CALN1: variants seen among roughly 807,000 people sequenced by gnomAD.
CALN1 encodes calcium-binding protein 8.
In CALN1, 17 loss-of-function variants were observed where a neutral mutation model predicts 30.6. That is an observed-to-expected ratio of 0.56 (90% CI 0.38 to 0.83). The LOEUF (loss-of-function observed/expected upper bound fraction) is 0.83, where lower values mean the gene tolerates loss of function less well. Ranked by LOEUF, CALN1 falls within the 40% of genes least tolerant of loss-of-function variation. The pLI, the probability that CALN1 is intolerant of heterozygous loss-of-function variation, is 0.00. For missense variants in CALN1, 291 were observed against 354.9 expected, an observed-to-expected ratio of 0.82 and a Z score of 1.45; for synonymous variants, 156 against 131.4, an observed-to-expected ratio of 1.19 and a Z score of -1.28.
At chr7:72,336,673 G>GTTAA in intron 2 of CALN1, 1 of 984,808 alleles carries the variant, frequency 1.0e-6, no homozygotes, top group Non-Finnish European at 1.2e-6. Flanking sequence ...CGCGCGCGCG[G>GTTAA]GTAAGCTAGG....
At chr7:71,812,063 G>C (rs1787991900) in intron 5 of CALN1, among the ~76,000 whole-genome samples, 1 of 152,168 alleles carries the variant, frequency 6.6e-6, no homozygotes, top group African/African-American at 2.4e-5. Flanking sequence ...ATCATTGTGT[G>C]GTTCTAACAT....
chr7:72,202,440 T>C (rs1791507312), intron 3 of CALN1, among the ~76,000 whole-genome samples: 1 of 152,150 alleles, frequency 6.6e-6, no homozygotes, highest in Non-Finnish European at 1.5e-5. Flanking sequence ...AAAAATCATG[T>C]TCTATAAAAA....
At position 71,979,737 on chromosome 7, in the gene CALN1, T is replaced by C. The variant is rs539646871; in HGVS notation, c.501+43920A>G. On this transcript the variant is annotated intron_variant, in intron 5 of 6. Coordinates refer to ENST00000395275, the MANE Select transcript of CALN1 (RefSeq NM_031468.4). ...CAACTAAAAATAATGATACTCTGCC[T>C]ACTGCTATGGCTTGAGGAATAAAGT... 5.9e-5 allele frequency among the ~76,000 whole-genome samples: 9 copies of C among 152,268 alleles called. No homozygotes were observed. In the South Asian group the frequency reaches 1.9e-3, roughly 32 times the overall value.
intron 2 of CALN1, among the ~76,000 whole-genome samples, chr7:72,295,867 C>A (rs1474739363): frequency 6.6e-6 from 1 of 151,794 alleles, no homozygotes; most frequent in African/African-American, 2.4e-5. Flanking sequence ...CCTTCTCCTG[C>A]CTAACTGCCC....
At chr7:72,114,969 G>C (rs970044126) in intron 3 of CALN1, among the ~76,000 whole-genome samples, 1 of 152,068 alleles carries the variant, frequency 6.6e-6, no homozygotes, top group Admixed American at 6.6e-5. Flanking sequence ...ACTCCAGCCT[G>C]GGCAACAAGA....
chr7:72,124,185 G>C (rs1278746067), intron 3 of CALN1, among the ~76,000 whole-genome samples: 1 of 152,136 alleles, frequency 6.6e-6, no homozygotes, highest in Non-Finnish European at 1.5e-5. Flanking sequence ...TGTCCGTGTG[G>C]ATTTGGGGAT....
intron 4 of CALN1, among the ~76,000 whole-genome samples, chr7:72,097,498 T>C (rs2129540375): frequency 6.6e-6 from 1 of 152,182 alleles, no homozygotes; most frequent in South Asian, 2.1e-4. Flanking sequence ...AAGCCATTCT[T>C]CTCAACCTGC....
intron 4 of CALN1, among the ~76,000 whole-genome samples, chr7:72,069,699 C>T (rs962532050): frequency 3.3e-5 from 5 of 152,096 alleles, no homozygotes; most frequent in African/African-American, 1.2e-4. Context: ...TTGCAAAGAC[C>T]TCTTTTCCAA....
chr7:72,458,778 A>G, the CALN1 span, among the ~76,000 whole-genome samples: 15 of 123,934 alleles, frequency 1.2e-4, no homozygotes, highest in South Asian at 9.1e-4. Context: ...TATATAATAT[A>G]TTTTATATAA....
rs545090093 is a variant in CALN1, at chr7:71,977,175, G to T, written c.501+46482C>A. Among the ~76,000 whole-genome samples the T allele has an allele frequency of 4.6e-5, 7 of 152,264 alleles. No individual in the cohort carries two copies. The East Asian group carries it at 1.4e-3, about 29-fold the overall frequency. ...ATTCTAGTGCATTGGGCACCCTTTT[G>T]CTTGATAACAATGTCTCTAATCTCA... On this transcript the variant is annotated intron_variant, in intron 5 of 6. Coordinates refer to ENST00000395275, the MANE Select transcript of CALN1 (RefSeq NM_031468.4).
rs59143033 is a variant in CALN1, at chr7:72,072,639, G to T, written c.388+33512C>A. The stretch of plus-strand genomic sequence containing the variant: ...AAAATCTAGTATTATTGTAACATTG[G>T]TTTGTAACTCTACATTTTGTTTTCT... On this transcript the variant is annotated intron_variant, in intron 4 of 6. Transcript: ENST00000395275. Among the ~76,000 whole-genome samples the T allele has an allele frequency of 9.0e-3, 1,377 of 152,246 alleles. 15 individuals are homozygous for T. Among genetic ancestry groups the T allele is most frequent in the African/African-American group, 0.029 (1,198 of 41,546 alleles).
At chr7:72,357,993 G>A (rs1299179429) in intron 2 of CALN1, among the ~76,000 whole-genome samples, 1 of 151,028 alleles carries the variant, frequency 6.6e-6, no homozygotes, top group Non-Finnish European at 1.5e-5. Context: ...TTTTAGTAGA[G>A]ATGGGGTTTT....
intron 5 of CALN1, among the ~76,000 whole-genome samples, chr7:71,906,489 C>T (rs575681637): frequency 6.6e-6 from 1 of 152,218 alleles, no homozygotes; most frequent in South Asian, 2.1e-4. Flanking sequence ...AAAGTCAGGT[C>T]AGAAACCTTG....
chr7:72,342,566 G>T (rs868742237), intron 2 of CALN1, among the ~76,000 whole-genome samples: 18 of 152,282 alleles, frequency 1.2e-4, no homozygotes, highest in African/African-American at 3.8e-4. Flanking sequence ...GCTGGATTTA[G>T]CATAAGTTCT....
chr7:72,377,438 T>TGTGTGTGTGC (rs1054716911), intron 2 of CALN1, among the ~76,000 whole-genome samples: 2 of 72,632 alleles, frequency 2.8e-5, no homozygotes, highest in Non-Finnish European at 7.5e-5. Flanking sequence ...CACACTTTCG[T>TGTGTGTGTGC]GTGTGTGTGT....
chr7:71,987,778 G>A (rs550006668), intron 5 of CALN1, among the ~76,000 whole-genome samples: 6 of 152,204 alleles, frequency 3.9e-5, no homozygotes, highest in African/African-American at 7.2e-5. Flanking sequence ...AAATCTTTCC[G>A]GATAGCAGGC....
intron 5 of CALN1, among the ~76,000 whole-genome samples, chr7:72,018,075 G>A (rs543093410): frequency 3.3e-5 from 5 of 152,144 alleles, no homozygotes; most frequent in African/African-American, 9.6e-5. Flanking sequence ...CGGTTGCACG[G>A]GGCTTGAGGT....
At chr7:72,023,138 A>G (rs1473582620) in intron 5 of CALN1, among the ~76,000 whole-genome samples, 2 of 152,176 alleles carry the variant, frequency 1.3e-5, no homozygotes, top group Admixed American at 6.5e-5. Flanking sequence ...TGATTTCATT[A>G]TACTTTAATA....
chr7:72,047,234 C>CA (rs1394973628), intron 4 of CALN1, among the ~76,000 whole-genome samples: 2 of 152,052 alleles, frequency 1.3e-5, no homozygotes, highest in Non-Finnish European at 2.9e-5. Context: ...TAGATATGGC[C>CA]AATGAAAGCC....
Sources: allele counts gnomAD v4.1 joint callset (sites outside exome capture counted in the v4.1 genomes callset), GRCh38; gene constraint gnomAD v4.1.1; transcripts MANE v1.5; gene names NCBI Gene and HGNC (gene_info 2026-07-23, HGNC 2026-07-21).